KLHL38: variants seen among roughly 807,000 people sequenced by gnomAD.
KLHL38 encodes the protein kelch like family member 38.
Under a neutral mutation model 39.6 loss-of-function variants are expected in KLHL38, and 38 were observed. The ratio of observed to expected loss-of-function variants is 0.96; its 90% CI spans 0.74 to 1.26. The LOEUF is 1.26. Ranked by LOEUF, KLHL38 falls within the 50% of genes most tolerant of loss-of-function variation. KLHL38 has a pLI of 0.00. For synonymous variants in KLHL38, 322 were observed against 302.2 expected, an observed-to-expected ratio of 1.07 and a Z score of -0.68; for missense variants, 803 against 748.1, an observed-to-expected ratio of 1.07 and a Z score of -0.86.
chr8:123,645,900 G>C lies in KLHL38; in HGVS notation c.1585C>G (p.Arg529Gly). The C allele has an allele frequency of 7.4e-6, 12 of 1,614,092 alleles. No homozygotes were observed. The highest frequency in any genetic ancestry group is 1.0e-5 in the Non-Finnish European group (12 of 1,180,012). ...MGNKLYVTGG[R>G]RLTTDCNIED... ...ATGTTGCAGTCCGTGGTCAGCCGCC[G>C]CCCGCCCGTCACGTAGAGTTTGTTT... The change falls in exon 4 of 4, where the codon CGG (arginine) becomes GGG (glycine). Residue 529 changes from arginine (R) to glycine (G), a missense_variant. Coordinates refer to ENST00000684634, the MANE Select transcript of KLHL38 (RefSeq NM_001081675.3).
Position 123,645,733 on chromosome 8 carries a change from T to C in KLHL38, c.*6A>G. 6.2e-7 allele frequency: 1 copy of C among 1,611,936 alleles called. No individual in the cohort carries two copies. Among genetic ancestry groups the C allele is most frequent in the South Asian group, 1.1e-5 (1 of 91,042 alleles). ...TTTGACTAGGGCAGAAGGTTTCTTG[T>C]CGACCTCATGGGAGGCCAGACGTGC... On this transcript the variant is annotated 3_prime_UTR_variant, in exon 4 of 4. Transcript: ENST00000684634.
In KLHL38 at chr8:123,652,358, C is replaced by T. The variant is rs1328149045; in HGVS notation, c.569G>A (p.Cys190Tyr). 6.2e-7 allele frequency: 1 copy of T among 1,613,944 alleles called. No individual in the cohort carries two copies. The highest frequency in any genetic ancestry group is 8.5e-7 in the Non-Finnish European group (1 of 1,180,036). ...CTCAAACACCTTTTCCTCCTCCCCA[C>T]AGAGCCCATCATCTCCGAGATAGTC... ...LRDYLGDDGL[C>Y]GEEEKVFEAL... The change falls in exon 2 of 4, where the codon TGT becomes TAT. Residue 190 changes from cysteine to tyrosine, a missense_variant. Physicochemically the swap from Cys to Tyr is radical, Grantham distance 194. Coordinates refer to ENST00000684634, the MANE Select transcript of KLHL38 (RefSeq NM_001081675.3).
At chr8:123,647,591 C>T (rs1818684393) in intron 2 of KLHL38, among the ~76,000 whole-genome samples, 1 of 152,164 alleles carries the variant, frequency 6.6e-6, no homozygotes, top group Non-Finnish European at 1.5e-5. Context: ...GTCAAATCAA[C>T]ACCCCCGAAA....
Position 123,645,329 on chromosome 8 carries a change from C to T in KLHL38, c.*410G>A, listed in dbSNP as rs1297073849. ...GCACATGCCTATAATCCCAGCTACT[C>T]AGGAGGCTGAGGCGTGAGAATCGCT... is the stretch of plus-strand genomic sequence containing the variant. On this transcript the variant is annotated 3_prime_UTR_variant, in exon 4 of 4. Coordinates refer to ENST00000684634, the MANE Select transcript of KLHL38 (RefSeq NM_001081675.3). 6.6e-6 allele frequency among the ~76,000 whole-genome samples: 1 copy of T among 152,058 alleles called. No individual in the cohort carries two copies. Among genetic ancestry groups the T allele is most frequent in the African/African-American group, 2.4e-5 (1 of 41,406 alleles).
Position 123,652,180 on chromosome 8 carries a change from C to T in KLHL38, c.747G>A (p.Gln249=), listed in dbSNP as rs764591922. The part of the protein sequence containing the change: ...DALLQSSPAC[Q]IILETAKRQM... ...GTCTCTTGGCGGTCTCCAAGATGAT[C>T]TGGCATGCAGGCGAGGACTGCAGGA... The change falls in exon 2 of 4, where the codon CAG becomes CAA. Residue 249 remains glutamine, a synonymous_variant. Coordinates refer to ENST00000684634, the MANE Select transcript of KLHL38 (RefSeq NM_001081675.3). 1 of 1,614,070 alleles carries T rather than the reference C, an allele frequency of 6.2e-7. No homozygotes were observed. Among genetic ancestry groups the T allele is most frequent in the Non-Finnish European group, 8.5e-7 (1 of 1,180,044 alleles).
At chr8:123,648,471 C>T (rs772386394) in intron 2 of KLHL38, among the ~76,000 whole-genome samples, 5 of 152,188 alleles carry the variant, frequency 3.3e-5, no homozygotes, top group Non-Finnish European at 7.3e-5. Flanking sequence ...GCCGTTTCAT[C>T]GGAAAATATG....
intron 2 of KLHL38, 135 bp downstream of exon 2, chr8:123,651,442 G>T: frequency 1.1e-6 from 1 of 895,262 alleles, no homozygotes; most frequent in Non-Finnish European, 1.7e-6. Context: ...GTATATGTGT[G>T]CATATATATA....
intron 2 of KLHL38, among the ~76,000 whole-genome samples, chr8:123,649,597 A>G (rs765866284): frequency 6.6e-6 from 1 of 152,180 alleles, no homozygotes; most frequent in Non-Finnish European, 1.5e-5. Context: ...GAAAGCCTTC[A>G]ATGAAGTTCT....
In KLHL38 at chr8:123,645,649, C is replaced by A. The variant is rs1179395107; in HGVS notation, c.*90G>T. ...ACCTCAGTCTTGTGAGCTCTCCCTG[C>A]AGCCTTTAAGGGTTAAGCCCTTTGG... On this transcript the variant is annotated 3_prime_UTR_variant, in exon 4 of 4. Coordinates refer to ENST00000684634, the MANE Select transcript of KLHL38 (RefSeq NM_001081675.3). The A allele has an allele frequency of 4.2e-6, 6 of 1,430,876 alleles. No individual in the cohort carries two copies. The highest frequency in any genetic ancestry group is 5.8e-6 in the Non-Finnish European group (6 of 1,040,634). 88.6% of individuals were successfully genotyped at this position (1,430,876 alleles called of 1,614,324 possible). A position where few individuals can be genotyped will look rare whatever the true frequency, so the allele number is the denominator to read the frequency against.
intron 3 of KLHL38, 109 bp from the exon 4 acceptor site, chr8:123,646,137 G>A (rs1818662393): frequency 1.0e-6 from 1 of 1,001,028 alleles, no homozygotes; most frequent in African/African-American, 1.6e-5. Context: ...CTGAGGCTGG[G>A]GCTCTGAACT....
Position 123,645,569 on chromosome 8 carries a change from GGAGA to G in KLHL38, c.*166_*169del. The stretch of plus-strand genomic sequence containing the variant: ...GAGAGATAAGGAGAGAGGCAGAGAA[GGAGA>G]GAGAGAGTTCTGGCAATGCAATGCC... On this transcript the variant is annotated 3_prime_UTR_variant, in exon 4 of 4. Coordinates refer to ENST00000684634, the MANE Select transcript of KLHL38 (RefSeq NM_001081675.3). The G allele has an allele frequency of 1.6e-6, 1 of 632,762 alleles. No homozygotes were observed. Among genetic ancestry groups the G allele is most frequent in the Non-Finnish European group, 2.8e-6 (1 of 363,418 alleles). 39.2% of individuals were successfully genotyped at this position (632,762 alleles called of 1,614,324 possible).
At position 123,652,783 on chromosome 8, in the gene KLHL38, G is replaced by T. The variant is rs1189562473; in HGVS notation, c.144C>A (p.His48Gln). 5.0e-6 allele frequency: 8 copies of T among 1,614,142 alleles called. No homozygotes were observed. Among genetic ancestry groups the T allele is most frequent in the Non-Finnish European group, 6.8e-6 (8 of 1,180,028 alleles). Reference sequence around the variant, plus strand: ...GGCTGCTGGAGGCCAGCACGTTGCGGTGGCAGGGGATCTCCCGGGCACCGG... The same window carrying T: ...GGCTGCTGGAGGCCAGCACGTTGCGTTGGCAGGGGATCTCCCGGGCACCGG... Reference protein sequence around the residue: ...ICAGAREIPCHRNVLASSSPY... With the variant: ...ICAGAREIPCQRNVLASSSPY... The change falls in exon 2 of 4, where the codon CAC (histidine) becomes CAA (glutamine). Residue 48 changes from histidine to glutamine, a missense_variant. His to Gln is a conservative substitution (Grantham distance 24, BLOSUM62 0). Coordinates refer to ENST00000684634, the MANE Select transcript of KLHL38 (RefSeq NM_001081675.3).
chr8:123,650,993 T>G (rs558361219), intron 2 of KLHL38, among the ~76,000 whole-genome samples: 91 of 152,378 alleles, frequency 6.0e-4, no homozygotes, highest in Non-Finnish European at 9.0e-4. Flanking sequence ...ATAACTTGAA[T>G]TTTTAGATAT....
rs1401392733 is a variant in KLHL38, at chr8:123,651,734, A to G, written c.1193T>C (p.Met398Thr). 1.9e-6 allele frequency: 3 copies of G among 1,614,182 alleles called. No individual in the cohort carries two copies. The highest frequency in any genetic ancestry group is 1.1e-5 in the South Asian group (1 of 91,090). Residue 398 changes from methionine to threonine, a missense_variant, in exon 2 of 4, where the codon ATG becomes ACG. Physicochemically the swap from Met to Thr is moderately conservative, Grantham distance 81. Transcript: ENST00000684634. Reference protein sequence around the residue: ...IGGIGEGQELMGSMERYDSIC... With the variant: ...IGGIGEGQELTGSMERYDSIC... The stretch of plus-strand genomic sequence containing the variant: ...GCTGTCATACCTTTCCATGGAGCCC[A>G]TGAGCTCCTGCCCTTCTCCAATCCC...
intron 2 of KLHL38, among the ~76,000 whole-genome samples, chr8:123,649,510 C>T (rs1812597514): frequency 6.6e-6 from 1 of 152,186 alleles, no homozygotes; most frequent in African/African-American, 2.4e-5. Flanking sequence ...CTCAGGCCCC[C>T]TCCAATCCCT....
chr8:123,648,383 T>C (rs1415605461), intron 2 of KLHL38, among the ~76,000 whole-genome samples: 1 of 152,150 alleles, frequency 6.6e-6, no homozygotes, highest in African/African-American at 2.4e-5. Context: ...GGAGACCTCG[T>C]GAGGTCTCTG....
intron 2 of KLHL38, among the ~76,000 whole-genome samples, chr8:123,649,694 A>T (rs16898680): frequency 0.018 from 2,689 of 152,210 alleles, 32 homozygotes; most frequent in Non-Finnish European, 0.027. Context: ...CCATCCCTCA[A>T]GAAGGTTCCA....
rs116247252 is a variant in KLHL38, at chr8:123,651,350, G to A, written c.1350+227C>T. 8.3e-3 allele frequency among the ~76,000 whole-genome samples: 1,263 copies of A among 151,468 alleles called. 15 individuals are homozygous for A. Among genetic ancestry groups the A allele is most frequent in the African/African-American group, 0.029 (1,182 of 40,746 alleles). ...TATGCATGTTGGCATCTGCATATAT[G>A]TGTGCATATGTGTATGCATGTATGC... On this transcript the variant is annotated intron_variant, in intron 2 of 3. Transcript: ENST00000684634.
intron 2 of KLHL38, among the ~76,000 whole-genome samples, chr8:123,648,851 T>C (rs941707909): frequency 6.6e-6 from 1 of 152,228 alleles, no homozygotes; most frequent in African/African-American, 2.4e-5. Context: ...TGAACAAGCC[T>C]ATGAAGAAAA....
Sources: gnomAD v4.1 joint callset for allele counts (sites outside exome capture counted in the v4.1 genomes callset) on GRCh38, gnomAD v4.1.1 for gene constraint, MANE v1.5 for transcripts, NCBI Gene and HGNC (gene_info 2026-07-23, HGNC 2026-07-21) for gene names.